The following CEACAM19 variants were observed in gnomAD, a reference collection of about 807,000 sequenced individuals.
CEACAM19 encodes CEA cell adhesion molecule 19.
Under a neutral mutation model 37.6 loss-of-function variants are expected in CEACAM19, and 37 were observed. That is an observed-to-expected ratio of 0.98 (90% CI 0.76 to 1.29). CEACAM19 has a LOEUF of 1.29. Ranked by LOEUF, CEACAM19 falls within the 50% of genes most tolerant of loss-of-function variation. The pLI, the probability that CEACAM19 is intolerant of heterozygous loss-of-function variation, is 0.00. For synonymous variants in CEACAM19, 140 were observed against 149.8 expected (o/e 0.93, Z 0.48); for missense variants, 340 against 375.6 (o/e 0.91, Z 0.78).
intron 3 of CEACAM19, among the ~76,000 whole-genome samples, chr19:44,677,235 G>T (rs533971283): frequency 2.0e-5 from 3 of 152,312 alleles, no homozygotes; most frequent in Admixed American, 6.5e-5. Context: ...CCAGGGGTTG[G>T]TGGCCAGGGA....
intron 1 of CEACAM19, chr19:44,666,288 C>T (rs1973713349): frequency 6.6e-6 from 1 of 152,226 alleles, no homozygotes; most frequent in Non-Finnish European, 1.5e-5. Context: ...GAATAGCTGG[C>T]TTTGCTTAAT....
intron 1 of CEACAM19, 117 bp from the exon 2 acceptor site, chr19:44,672,479 T>G: frequency 8.9e-7 from 1 of 1,128,308 alleles, no homozygotes; most frequent in Non-Finnish European, 1.2e-6. Flanking sequence ...CAGCATTGTT[T>G]CCAATGAGCA....
At chr19:44,667,605 A>C (rs1370671685), upstream of CEACAM19, among the ~76,000 whole-genome samples, 1 of 103,146 alleles carries the variant, frequency 9.7e-6, no homozygotes, top group South Asian at 2.4e-4. Context: ...TTATATATAA[A>C]TATATATTAT....
upstream of CEACAM19, among the ~76,000 whole-genome samples, chr19:44,667,968 A>C (rs1168012946): frequency 1.3e-5 from 1 of 79,854 alleles, no homozygotes; most frequent in Admixed American, 2.4e-4. Context: ...CTATATAAAT[A>C]TATACTATAT....
At chr19:44,683,325 C>G in intron 7 of CEACAM19, 112 bp from the exon 8 acceptor site, 1 of 519,386 alleles carries the variant, frequency 1.9e-6, no homozygotes, top group Non-Finnish European at 3.6e-6. Flanking sequence ...TCCATTCTCT[C>G]TGCGGGTTTC....
At chr19:44,673,047 ATTT>A in intron 2 of CEACAM19, 83 bp downstream of exon 2, 1 of 1,177,760 alleles carries the variant, frequency 8.5e-7, no homozygotes, top group Non-Finnish European at 1.1e-6. Flanking sequence ...TGCAAACACC[ATTT>A]CATTTGGTCC....
chr19:44,681,406 G>A, intron 6 of CEACAM19, 94 bp downstream of exon 6: 1 of 744,784 alleles, frequency 1.3e-6, no homozygotes, highest in Non-Finnish European at 2.3e-6. Context: ...CTTGACACCA[G>A]GTTTGGGAAT....
intron 7 of CEACAM19, 162 bp from the exon 8 acceptor site, chr19:44,683,275 C>T: frequency 2.0e-6 from 1 of 500,340 alleles, no homozygotes; most frequent in Non-Finnish European, 3.7e-6. Flanking sequence ...TCTTCCAGGA[C>T]CTCTTGTCTC....
chr19:44,680,933 TA>T (rs1323766306), intron 5 of CEACAM19, among the ~76,000 whole-genome samples: 1 of 151,958 alleles, frequency 6.6e-6, no homozygotes, highest in Non-Finnish European at 1.5e-5. Context: ...AGTCCTAGGC[TA>T]CTTAGGCACC....
intron 4 of CEACAM19, among the ~76,000 whole-genome samples, chr19:44,679,740 C>A (rs1428585652): frequency 6.6e-6 from 1 of 150,898 alleles, no homozygotes; most frequent in Non-Finnish European, 1.5e-5. Context: ...CAGAGCGAGA[C>A]TCTGTCTCAA....
At position 44,672,426 on chromosome 19, in the gene CEACAM19, T is replaced by G. The variant is rs1973871459; in HGVS notation, c.56-170T>G. ...GGCAAATCTGTGGTAACCATGCCTG[T>G]GTTCCCACTCCTGCACCCAGGGCAG... On this transcript the variant is annotated intron_variant, in intron 1 of 7. Transcript: ENST00000358777. 4 of 680,768 alleles carry G rather than the reference T, an allele frequency of 5.9e-6. No homozygotes were observed. The East Asian group carries it at 1.2e-4, about 20-fold the overall frequency. 42.2% of individuals were successfully genotyped at this position (680,768 alleles called of 1,614,324 possible).
At chr19:44,667,406 T>C (rs944723068), upstream of CEACAM19, 5 of 150,322 alleles carry the variant, frequency 3.3e-5, no homozygotes, top group African/African-American at 1.2e-4. Flanking sequence ...TAGCCACTGA[T>C]CACTTGAGGC....
upstream of CEACAM19, among the ~76,000 whole-genome samples, chr19:44,671,125 CT>C (rs112662657): frequency 0.2 from 29,225 of 143,018 alleles, 6,869 homozygotes; most frequent in African/African-American, 0.59. Context: ...AGGCTAAGAG[CT>C]TTTTTTTTTT....
At chr19:44,668,663 T>A (rs1973802910), upstream of CEACAM19, among the ~76,000 whole-genome samples, 2 of 64,616 alleles carry the variant, frequency 3.1e-5, no homozygotes, top group African/African-American at 1.4e-4. Flanking sequence ...AATTATATAA[T>A]TATATACATA....
upstream of CEACAM19, among the ~76,000 whole-genome samples, chr19:44,668,910 C>G (rs1215451029): frequency 7.0e-6 from 1 of 143,836 alleles, no homozygotes; most frequent in East Asian, 2.0e-4. Flanking sequence ...ACCTCCACCT[C>G]CCAGGTTCAA....
chr19:44,681,873 T>A (rs1279644688), intron 6 of CEACAM19, among the ~76,000 whole-genome samples: 1 of 150,276 alleles, frequency 6.7e-6, no homozygotes, highest in African/African-American at 2.5e-5. Flanking sequence ...GAGGTTGCAG[T>A]AAGCCGAGGT....
chr19:44,669,687 A>T (rs1180732480), upstream of CEACAM19, among the ~76,000 whole-genome samples: 1 of 151,814 alleles, frequency 6.6e-6, no homozygotes, highest in African/African-American at 2.4e-5. Context: ...GGTGCACCTC[A>T]TGCTGCCTCA....
intron 2 of CEACAM19, among the ~76,000 whole-genome samples, 186 bp downstream of exon 2, chr19:44,673,150 A>C (rs192564430): frequency 7.2e-5 from 11 of 152,340 alleles, no homozygotes; most frequent in African/African-American, 2.6e-4. Context: ...TAACTAATAA[A>C]ATATCTATGA....
Position 44,672,940 on chromosome 19 carries a change from G to A in CEACAM19, c.400G>A (p.Ala134Thr), listed in dbSNP as rs752206309. The A allele has an allele frequency of 1.1e-5, 16 of 1,500,784 alleles. No individual in the cohort carries two copies. In the Admixed American group the frequency reaches 2.2e-4, roughly 21 times the overall value. 93.0% of individuals were successfully genotyped at this position (1,500,784 alleles called of 1,614,324 possible). Residue 134 changes from alanine to threonine, a missense_variant, in exon 2 of 8, where the codon GCC becomes ACC. Physicochemically the swap from Ala to Thr is moderately conservative, Grantham distance 58. Transcript: ENST00000358777. ...ITINSEWTMKAKTEVQVAEKN... is the reference protein window; with the variant it reads ...ITINSEWTMKTKTEVQVAEKN... ...CATCAACTCTGAATGGACTATGAAG[G>A]CCAAGACTGAGGTCCAGGTAGCTGG...
Sources: gnomAD v4.1 joint callset for allele counts (sites outside exome capture counted in the v4.1 genomes callset) on GRCh38, gnomAD v4.1.1 for gene constraint, MANE v1.5 for transcripts, NCBI Gene and HGNC (gene_info 2026-07-23, HGNC 2026-07-21) for gene names.